The following MTM1 variants were observed in gnomAD, a reference collection of about 807,000 sequenced individuals.
MTM1 encodes myotubularin 1, also known as myotubularin.
Under a neutral mutation model 52.1 loss-of-function variants are expected in MTM1, and 9 were observed. The observed-to-expected ratio is 0.17, with a 90% CI of 0.10 to 0.30. MTM1 has a LOEUF of 0.30. Among genes scored for constraint, MTM1 ranks in the 10% least tolerant of loss-of-function variants. The probability of loss-of-function intolerance (pLI) is 1.00; values close to 1 mark genes in which losing one functional copy is unlikely to be tolerated. For synonymous variants in MTM1, 136 were observed against 163.8 expected (o/e 0.83, Z 1.29); for missense variants, 277 against 470.7 (o/e 0.59, Z 3.81).
chrX:150,626,970 C>G, intron 6 of MTM1, among the ~76,000 whole-genome samples: 1 of 111,521 alleles, frequency 9.0e-6, no homozygotes, highest in Admixed American at 9.5e-5. Context: ...GTTGATCTCT[C>G]TGTCTCCACC....
At position 150,606,756 on chromosome X, in the gene MTM1, A is replaced by T. The variant is rs181144909; in HGVS notation, c.232-7833A>T. ...ACATTTTTGGTTTTCATCATTTTTG[A>T]TTCTCCTTCCCCCCGCTCTGTGAAT... On this transcript the variant is annotated intron_variant, in intron 4 of 14. Coordinates refer to ENST00000370396, the MANE Select transcript of MTM1 (RefSeq NM_000252.3). Among the ~76,000 whole-genome samples, 567 of 108,307 alleles carry T rather than the reference A, an allele frequency of 5.2e-3. 3 individuals carry two copies. The highest frequency in any genetic ancestry group is 0.017 in the African/African-American group (505 of 29,605). 94.1% of individuals were successfully genotyped at this position (108,307 alleles called of 115,157 possible).
Position 150,645,910 on chromosome X carries a change from A to G in MTM1, c.867+39A>G, listed in dbSNP as rs1410396470. 4 of 1,129,005 alleles carry G rather than the reference A, an allele frequency of 3.5e-6. No homozygotes were observed. In the Admixed American group the frequency reaches 6.5e-5, roughly 18 times the overall value. The allele number at this position is 1,129,005 out of a possible 1,213,427, so 93.0% of individuals were successfully genotyped here. ...ATGATGTGCTGGACACTTAGCTTAC[A>G]TATGGAGTGCAGTGTTTTCTGTGAA... On this transcript the variant is annotated intron_variant, in intron 9 of 14. Coordinates refer to ENST00000370396, the MANE Select transcript of MTM1 (RefSeq NM_000252.3).
chrX:150,582,715 C>T (rs1244500546), intron 1 of MTM1, among the ~76,000 whole-genome samples: 3 of 110,926 alleles, frequency 2.7e-5, no homozygotes, highest in Non-Finnish European at 5.7e-5. Context: ...TTGCAGCCAC[C>T]ACCAGAAGCT....
intron 14 of MTM1, among the ~76,000 whole-genome samples, chrX:150,670,649 A>G (rs2040381290): frequency 8.9e-6 from 1 of 112,368 alleles, no homozygotes; most frequent in Non-Finnish European, 1.9e-5. Context: ...GGGAACTGCC[A>G]GGTATCACCA....
At chrX:150,666,980 GC>G (rs1385606696) in intron 14 of MTM1, among the ~76,000 whole-genome samples, 4 of 111,552 alleles carry the variant, frequency 3.6e-5, no homozygotes, top group African/African-American at 1.3e-4. Flanking sequence ...TGTGCTGCCT[GC>G]CATCTCCCGT....
chrX:150,652,822 T>C (rs1351521239), intron 10 of MTM1, among the ~76,000 whole-genome samples: 2 of 108,638 alleles, frequency 1.8e-5, no homozygotes, highest in Non-Finnish European at 3.8e-5. Flanking sequence ...AAAGCTTTTT[T>C]TTAAAAGAGA....
intron 4 of MTM1, among the ~76,000 whole-genome samples, chrX:150,613,183 C>T (rs1358384085): frequency 2.8e-5 from 3 of 108,148 alleles, no homozygotes; most frequent in Non-Finnish European, 5.7e-5. Flanking sequence ...TTTGTAGCCC[C>T]AAAAGGTTTT....
At chrX:150,613,077 T>G (rs1223505136) in intron 4 of MTM1, among the ~76,000 whole-genome samples, 1 of 104,447 alleles carries the variant, frequency 9.6e-6, no homozygotes, top group East Asian at 3.0e-4. Context: ...GCCTGGGACG[T>G]CAAGGCTGCA....
chrX:150,666,116 T>G (rs1489839636), intron 14 of MTM1, among the ~76,000 whole-genome samples: 1 of 112,636 alleles, frequency 8.9e-6, no homozygotes, highest in East Asian at 2.8e-4. Flanking sequence ...ACTTCCATAA[T>G]GAGCTGATTG....
intron 4 of MTM1, among the ~76,000 whole-genome samples, chrX:150,607,876 G>A (rs1372592287): frequency 8.9e-6 from 1 of 111,894 alleles, no homozygotes; most frequent in Non-Finnish European, 1.9e-5. Context: ...TCTTCTGATA[G>A]TCACGCCAAT....
chrX:150,641,785 C>T (rs1603188470), intron 8 of MTM1, among the ~76,000 whole-genome samples: 1 of 111,619 alleles, frequency 9.0e-6, no homozygotes, highest in East Asian at 2.8e-4. Context: ...TCAGATAAAT[C>T]ATGCTGGAAA....
chrX:150,629,480 CT>C (rs2039626804), intron 6 of MTM1, among the ~76,000 whole-genome samples: 1 of 111,380 alleles, frequency 9.0e-6, no homozygotes, highest in Non-Finnish European at 1.9e-5. Flanking sequence ...CCTCATCTCT[CT>C]CCTTTGGATG....
intron 4 of MTM1, among the ~76,000 whole-genome samples, chrX:150,603,426 A>G (rs2039100329): frequency 8.9e-6 from 1 of 111,779 alleles, no homozygotes; most frequent in Non-Finnish European, 1.9e-5. Context: ...GGGGCGGGAG[A>G]GACTGAAGTC....
At chrX:150,667,120 C>T (rs1222935916) in intron 14 of MTM1, among the ~76,000 whole-genome samples, 1 of 112,154 alleles carries the variant, frequency 8.9e-6, no homozygotes, top group Admixed American at 9.5e-5. Context: ...AGCTGCTCAC[C>T]TCACCCAGAG....
At chrX:150,621,277 C>T (rs1434925357) in intron 6 of MTM1, among the ~76,000 whole-genome samples, 1 of 110,283 alleles carries the variant, frequency 9.1e-6, no homozygotes, top group Non-Finnish European at 1.9e-5. Context: ...TCAGTTCCCC[C>T]CCTGCTATTC....
intron 6 of MTM1, among the ~76,000 whole-genome samples, chrX:150,633,071 C>T (rs1557413618): frequency 9.0e-6 from 1 of 111,667 alleles, no homozygotes; most frequent in Non-Finnish European, 1.9e-5. Context: ...ATGTATGAAC[C>T]CTCAGAAATC....
chrX:150,649,748 A>G lies in MTM1; in HGVS notation c.900A>G (p.Ala300=), dbSNP rs782732432. 3.3e-6 allele frequency: 4 copies of G among 1,210,521 alleles called. No homozygotes were observed. The Admixed American group carries it at 6.5e-5, about 20-fold the overall frequency. The change falls in exon 10 of 15, where the codon GCA becomes GCG. Residue 300 remains alanine, a synonymous_variant. Transcript: ENST00000370396. The stretch of plus-strand genomic sequence containing the variant: ...GAGGAGGATATGAAAGTGATGATGC[A>G]TATCATAACGCCGAACTTTTCTTCT... The part of the protein sequence containing the change: ...ATGGGYESDD[A]YHNAELFFLD...
chrX:150,609,334 A>G (rs2039232989), intron 4 of MTM1, among the ~76,000 whole-genome samples: 1 of 111,432 alleles, frequency 9.0e-6, no homozygotes, highest in African/African-American at 3.3e-5. Flanking sequence ...TGGAGTGGTT[A>G]GCAGAGTTGA....
At chrX:150,663,712 A>G (rs2040261896) in intron 14 of MTM1, 103 bp downstream of exon 14, 1 of 741,656 alleles carries the variant, frequency 1.3e-6, no homozygotes, top group African/African-American at 2.1e-5. Flanking sequence ...AAAATATCAG[A>G]CTCTAAAAAC....
Sources: allele counts gnomAD v4.1 joint callset (sites outside exome capture counted in the v4.1 genomes callset), GRCh38; gene constraint gnomAD v4.1.1; transcripts MANE v1.5; gene names NCBI Gene and HGNC (gene_info 2026-07-23, HGNC 2026-07-21).